The following PRKCA variants were observed in gnomAD, a reference collection of about 807,000 sequenced individuals.
PRKCA encodes protein kinase C alpha type.
Under a neutral mutation model 87.0 loss-of-function variants are expected in PRKCA, and 27 were observed. The ratio of observed to expected loss-of-function variants is 0.31; its 90% CI spans 0.23 to 0.43. The LOEUF is 0.43. Among genes scored for constraint, PRKCA ranks in the 20% least tolerant of loss-of-function variants. PRKCA has a pLI of 1.00. For missense variants in PRKCA, 518 were observed against 852.3 expected, an observed-to-expected ratio of 0.61 and a Z score of 4.88; for synonymous variants, 329 against 311.1, an observed-to-expected ratio of 1.06 and a Z score of -0.61.
At chr17:66,545,297 C>T (rs541270294) in intron 3 of PRKCA, among the ~76,000 whole-genome samples, 19 of 152,156 alleles carry the variant, frequency 1.2e-4, no homozygotes, top group Non-Finnish European at 2.1e-4. Context: ...GGCGTGGTGG[C>T]GGGTGCCTGT....
chr17:66,435,669 A>G (rs1195266392), intron 2 of PRKCA, among the ~76,000 whole-genome samples: 1 of 152,160 alleles, frequency 6.6e-6, no homozygotes, highest in East Asian at 1.9e-4. Flanking sequence ...ACAAAAAGAA[A>G]TGTGAAAAGA....
intron 8 of PRKCA, among the ~76,000 whole-genome samples, chr17:66,719,376 AAGGATT>A (rs1973557247): frequency 6.6e-6 from 1 of 152,256 alleles, no homozygotes; most frequent in African/African-American, 2.4e-5. Flanking sequence ...CATGAAAAGA[AAGGATT>A]AGGAAAATGT....
intron 10 of PRKCA, among the ~76,000 whole-genome samples, chr17:66,736,473 T>C (rs1156521628): frequency 6.6e-6 from 1 of 152,044 alleles, no homozygotes; most frequent in Non-Finnish European, 1.5e-5. Flanking sequence ...AGATGGGGTT[T>C]CACCATGTTG....
chr17:66,533,329 A>G (rs980385911), intron 3 of PRKCA, among the ~76,000 whole-genome samples: 2 of 152,168 alleles, frequency 1.3e-5, no homozygotes, highest in Non-Finnish European at 2.9e-5. Context: ...ATTAATTCTG[A>G]TGAGATAGGC....
chr17:66,379,803 G>T lies in PRKCA; in HGVS notation c.205+73676G>T, dbSNP rs535555852. The stretch of plus-strand genomic sequence containing the variant: ...GCCAAGAAACCATTGCCAAATCTAA[G>T]GTCATGGATATTCCTTTGTTCCAAG... On this transcript the variant is annotated intron_variant, in intron 2 of 16. Coordinates refer to ENST00000413366, the MANE Select transcript of PRKCA (RefSeq NM_002737.3). Among the ~76,000 whole-genome samples, 50 of 152,264 alleles carry T rather than the reference G, an allele frequency of 3.3e-4. No homozygotes were observed. In the Middle Eastern group the frequency reaches 0.014, roughly 41 times the overall value.
chr17:66,656,687 G>C (rs1971741661), intron 5 of PRKCA, among the ~76,000 whole-genome samples: 1 of 152,184 alleles, frequency 6.6e-6, no homozygotes, highest in African/African-American at 2.4e-5. Context: ...ATAAATAACA[G>C]ATAAATGCTC....
chr17:66,807,142 C>A lies in PRKCA; in HGVS notation c.*3105C>A, dbSNP rs959486629. 4 of 152,416 alleles carry A rather than the reference C, an allele frequency of 2.6e-5. No homozygotes were observed. Among genetic ancestry groups the A allele is most frequent in the African/African-American group, 9.6e-5 (4 of 41,464 alleles). 9.4% of individuals were successfully genotyped at this position (152,416 alleles called of 1,614,324 possible). A position where few individuals can be genotyped will look rare whatever the true frequency, so the allele number is the denominator to read the frequency against. ...GAACTGCCGCAGCCACGCAGGAGGTCCCTGGGGGATGCTTTGGGAAGTCCT... is the reference window on the plus strand; with the variant it reads ...GAACTGCCGCAGCCACGCAGGAGGTACCTGGGGGATGCTTTGGGAAGTCCT... On this transcript the variant is annotated 3_prime_UTR_variant, in exon 17 of 17. Transcript: ENST00000413366. The surrounding 1 kb of genome is among the most constrained non-coding windows in gnomAD (Gnocchi z 4.3).
chr17:66,664,284 G>C (rs1971982777), intron 5 of PRKCA, among the ~76,000 whole-genome samples: 1 of 152,184 alleles, frequency 6.6e-6, no homozygotes, highest in Non-Finnish European at 1.5e-5. Flanking sequence ...ACTCAGCGAA[G>C]CCCAAGGCCC....
intron 3 of PRKCA, among the ~76,000 whole-genome samples, chr17:66,533,419 G>A (rs556201352): frequency 1.3e-5 from 2 of 152,200 alleles, no homozygotes; most frequent in Non-Finnish European, 2.9e-5. Context: ...GTATTGGCCT[G>A]TCCTGACCCC....
intron 3 of PRKCA, among the ~76,000 whole-genome samples, chr17:66,501,329 C>T (rs1916720008): frequency 6.6e-6 from 1 of 152,180 alleles, no homozygotes; most frequent in Non-Finnish European, 1.5e-5. Context: ...CCTGGAGATC[C>T]TCAGGCCAAT....
In PRKCA at chr17:66,566,480, G is replaced by GTTTTTTTTTTTTTTTTTTTTTTT. The variant is rs56912157; in HGVS notation, c.288+70219_288+70220insTTTTTTTTTTTTTTTTTTTTTTT. ...TGTGAAGAACTGTTGTTGTTTTTTG[G>GTTTTTTTTTTTTTTTTTTTTTTT]TTTTTTTTTTTTTTTTTTTTTTGCA... On this transcript the variant is annotated intron_variant, in intron 3 of 16. Transcript: ENST00000413366. 2.1e-5 allele frequency among the ~76,000 whole-genome samples: 2 copies of GTTTTTTTTTTTTTTTTTTTTTTT among 97,022 alleles called. 1 individual carries two copies. Among genetic ancestry groups the GTTTTTTTTTTTTTTTTTTTTTTT allele is most frequent in the African/African-American group, 7.4e-5 (2 of 27,030 alleles). The allele number at this position is 97,022 out of a possible 152,430, so 63.7% of individuals were successfully genotyped here. A position where few individuals can be genotyped will look rare whatever the true frequency, so the allele number is the denominator to read the frequency against.
At chr17:66,567,976 C>T (rs1312620283) in intron 3 of PRKCA, among the ~76,000 whole-genome samples, 2 of 152,096 alleles carry the variant, frequency 1.3e-5, no homozygotes, top group African/African-American at 2.4e-5. Flanking sequence ...ATAAAAAGCA[C>T]TAAGTGTAAA....
intron 3 of PRKCA, among the ~76,000 whole-genome samples, chr17:66,578,883 T>C (rs1401084149): frequency 3.3e-5 from 5 of 152,236 alleles, no homozygotes; most frequent in African/African-American, 4.8e-5. Flanking sequence ...CTCATCTGTT[T>C]CGACCTGTGG....
intron 2 of PRKCA, among the ~76,000 whole-genome samples, chr17:66,480,402 G>T (rs201595250): frequency 6.6e-6 from 1 of 152,030 alleles, no homozygotes; most frequent in African/African-American, 2.4e-5. Flanking sequence ...GCTTCTTTTT[G>T]AATTGTTCCC....
At chr17:66,426,918 T>C (rs1912839359) in intron 2 of PRKCA, among the ~76,000 whole-genome samples, 2 of 152,208 alleles carry the variant, frequency 1.3e-5, no homozygotes, top group South Asian at 4.1e-4. Flanking sequence ...AGTGGCTAAA[T>C]TAATTAACCC....
chr17:66,793,988 A>T (rs1975606153), intron 16 of PRKCA, among the ~76,000 whole-genome samples: 1 of 152,262 alleles, frequency 6.6e-6, no homozygotes, highest in Non-Finnish European at 1.5e-5. Flanking sequence ...GTTTATACAA[A>T]TACCAGGAGC....
At chr17:66,642,135 T>A (rs1469391684) in intron 4 of PRKCA, among the ~76,000 whole-genome samples, 1 of 143,068 alleles carries the variant, frequency 7.0e-6, no homozygotes, top group African/African-American at 2.6e-5. Flanking sequence ...GCTTTGATCA[T>A]TTTTTTTTTT....
At chr17:66,649,052 T>A (rs1167291595) in intron 5 of PRKCA, among the ~76,000 whole-genome samples, 1 of 150,642 alleles carries the variant, frequency 6.6e-6, no homozygotes, top group Non-Finnish European at 1.5e-5. Flanking sequence ...AGCCCGAGAT[T>A]GTGCCACTGC....
chr17:66,635,588 A>T (rs1480201666), intron 3 of PRKCA, among the ~76,000 whole-genome samples: 3 of 152,066 alleles, frequency 2.0e-5, no homozygotes, highest in African/African-American at 7.3e-5. Flanking sequence ...TCCTCCCACG[A>T]CTCCTTAACA....
Sources: gnomAD v4.1 joint callset for allele counts (sites outside exome capture counted in the v4.1 genomes callset) on GRCh38, gnomAD v4.1.1 for gene constraint, Gnocchi (gnomAD v3.1) non-coding constraint, MANE v1.5 for transcripts, NCBI Gene and HGNC (gene_info 2026-07-23, HGNC 2026-07-21) for gene names.